The following MAML1 variants were observed in gnomAD, a reference collection of about 807,000 sequenced individuals.
The protein encoded by MAML1 is mastermind like transcriptional coactivator 1.
MAML1 carries 14 observed loss-of-function variants against 77.1 expected under a neutral mutation model. That is an observed-to-expected ratio of 0.18 (90% confidence interval 0.12 to 0.28). The LOEUF is 0.28. Ranked by LOEUF, MAML1 falls within the 10% of genes least tolerant of loss-of-function variation. MAML1 has a pLI of 1.00. For missense variants in MAML1, 1,217 were observed against 1,327.8 expected, an observed-to-expected ratio of 0.92 and a Z score of 1.30; for synonymous variants, 516 against 551.9, an observed-to-expected ratio of 0.93 and a Z score of 0.91.
At position 179,765,362 on chromosome 5, in the gene MAML1, G is replaced by A. The variant is rs374498133; in HGVS notation, c.352G>A (p.Ala118Thr). ...HDTVKRNLDS[A>T]TSPQNGDQQN... ...TACAGTTAAGAGGAATCTTGACAGC[G>A]CCACTTCCCCTCAGAATGGCGATCA... The change falls in exon 2 of 5, where the codon GCC (alanine) becomes ACC (threonine). Residue 118 changes from alanine to threonine, a missense_variant. By Grantham distance (58) the Ala-to-Thr change is moderately conservative. Transcript: ENST00000292599. 2.4e-5 allele frequency: 39 copies of A among 1,609,230 alleles called. 1 individual carries two copies. Among genetic ancestry groups the A allele is most frequent in the Admixed American group, 1.7e-4 (10 of 58,578 alleles).
intron 1 of MAML1, among the ~76,000 whole-genome samples, chr5:179,735,539 C>T (rs1200863546): frequency 6.6e-6 from 1 of 151,504 alleles, no homozygotes; most frequent in Non-Finnish European, 1.5e-5. Context: ...AGGTGCTGGC[C>T]ACCATGCCCA....
rs1462442078 is a variant in MAML1 at position 179,735,315 on chromosome 5, C to A, written c.315+1888C>A. On this transcript the variant is annotated intron_variant, in intron 1 of 4. Coordinates refer to ENST00000292599, the MANE Select transcript of MAML1 (RefSeq NM_014757.5). ...TTCTGCCTTAAAGCTAGTTCCTGACCAGCCTAACCCACAGCAGTAAGAATC... is the reference window on the plus strand; with the variant it reads ...TTCTGCCTTAAAGCTAGTTCCTGACAAGCCTAACCCACAGCAGTAAGAATC... Among the ~76,000 whole-genome samples, 3 of 152,318 alleles carry A rather than the reference C, an allele frequency of 2.0e-5. No homozygotes were observed. The South Asian group carries it at 6.2e-4, about 32-fold the overall frequency.
chr5:179,747,482 A>T (rs574622076), intron 1 of MAML1, among the ~76,000 whole-genome samples: 20 of 152,318 alleles, frequency 1.3e-4, no homozygotes, highest in Admixed American at 2.6e-4. Flanking sequence ...AAAATGTGGC[A>T]TATCCATACA....
chr5:179,735,609 T>G (rs1052990395), intron 1 of MAML1, among the ~76,000 whole-genome samples: 3 of 152,166 alleles, frequency 2.0e-5, no homozygotes, highest in Non-Finnish European at 4.4e-5. Context: ...CAGGCTGGTC[T>G]CGAACTCCTG....
intron 1 of MAML1, among the ~76,000 whole-genome samples, chr5:179,742,527 A>G (rs1189217581): frequency 1.3e-5 from 2 of 150,588 alleles, no homozygotes; most frequent in South Asian, 2.1e-4. Context: ...TTTTTGCCAC[A>G]TTCAGTGTCT....
At position 179,775,377 on chromosome 5, in the gene MAML1, G is replaced by T. The variant is rs182654054; in HGVS notation, c.*500G>T. On this transcript the variant is annotated 3_prime_UTR_variant, in exon 5 of 5. Coordinates refer to ENST00000292599, the MANE Select transcript of MAML1 (RefSeq NM_014757.5). ...TTTTAAACAGATTAGGGTAGGTGAT[G>T]GTTTAAATCAATTAAGTGGCATTGG... 21 of 985,190 alleles carry T rather than the reference G, an allele frequency of 2.1e-5. No homozygotes were observed. The Admixed American group carries it at 7.4e-4, about 35-fold the overall frequency. The allele number at this position is 985,190 out of a possible 1,614,324, so 61.0% of individuals were successfully genotyped here.
At chr5:179,768,698 CTG>C in intron 2 of MAML1, 150 bp from the exon 3 acceptor site, 3 of 969,922 alleles carry the variant, frequency 3.1e-6, no homozygotes, top group Non-Finnish European at 4.6e-6. Flanking sequence ...CACTTTTGGT[CTG>C]TGCTCCAGCC....
At chr5:179,738,473 A>T (rs1024920354) in intron 1 of MAML1, among the ~76,000 whole-genome samples, 1 of 152,084 alleles carries the variant, frequency 6.6e-6, no homozygotes, top group Non-Finnish European at 1.5e-5. Context: ...TGGCTTTAGG[A>T]TCTCATTTCT....
At chr5:179,744,902 A>AT (rs955746486) in intron 1 of MAML1, among the ~76,000 whole-genome samples, 253 of 145,810 alleles carry the variant, frequency 1.7e-3, no homozygotes, top group African/African-American at 1.8e-3. Context: ...TGCATTATAA[A>AT]TTTTTTTTTT....
intron 1 of MAML1, among the ~76,000 whole-genome samples, chr5:179,748,980 G>A (rs1005563905): frequency 6.9e-6 from 1 of 145,708 alleles, no homozygotes; most frequent in African/African-American, 2.6e-5. Flanking sequence ...TTGTTTGTTT[G>A]TTTGAGATGG....
Position 179,735,097 on chromosome 5 carries a change from C to T in MAML1, c.315+1670C>T, listed in dbSNP as rs901681681. 5.3e-5 allele frequency among the ~76,000 whole-genome samples: 8 copies of T among 152,272 alleles called. No homozygotes were observed. The South Asian group carries it at 8.3e-4, about 16-fold the overall frequency. On this transcript the variant is annotated intron_variant, in intron 1 of 4. Coordinates refer to ENST00000292599, the MANE Select transcript of MAML1 (RefSeq NM_014757.5). ...CTAGATGACGAGTTAGTGGGTGCAG[C>T]GCACCAGCATGGCACATGTATACGT...
intron 1 of MAML1, among the ~76,000 whole-genome samples, chr5:179,756,070 C>A (rs114323670): frequency 0.013 from 1,914 of 150,998 alleles, 34 homozygotes; most frequent in African/African-American, 0.044. Flanking sequence ...GGCAGTTTTT[C>A]TTCTTTCAGT....
chr5:179,771,056 G>A lies in MAML1; in HGVS notation c.1972-91G>A. On this transcript the variant is annotated intron_variant, in intron 3 of 4. Coordinates refer to ENST00000292599, the MANE Select transcript of MAML1 (RefSeq NM_014757.5). This position sits in a 1 kb window ranked among gnomAD's most constrained non-coding sequence, Gnocchi z 4.7. ...AGCCCATTTGTGAGTAACAAACTTG[G>A]ATAAGTTACTTTTCTCTGACCTCCC... is the stretch of plus-strand genomic sequence containing the variant. The A allele has an allele frequency of 1.1e-6, 1 of 919,624 alleles. No individual in the cohort carries two copies. Among genetic ancestry groups the A allele is most frequent in the Non-Finnish European group, 1.8e-6 (1 of 558,514 alleles). The allele number at this position is 919,624 out of a possible 1,614,324, so 57.0% of individuals were successfully genotyped here. A position where few individuals can be genotyped will look rare whatever the true frequency, so the allele number is the denominator to read the frequency against.
In MAML1 at chr5:179,769,961, ACT is replaced by A. The variant is rs745654690; in HGVS notation, c.1971+874_1971+875del. ...AGAAAAGCAGCTTTATTGTGATGTA[ACT>A]CACACAGCATACACTTCACCCACGT... is the stretch of plus-strand genomic sequence containing the variant. On this transcript the variant is annotated intron_variant, in intron 3 of 4. Coordinates refer to ENST00000292599, the MANE Select transcript of MAML1 (RefSeq NM_014757.5). This position sits in a 1 kb window ranked among gnomAD's most constrained non-coding sequence, Gnocchi z 4.2. Among the ~76,000 whole-genome samples the A allele has an allele frequency of 6.6e-6, 1 of 152,134 alleles. No individual in the cohort carries two copies. The highest frequency in any genetic ancestry group is 1.5e-5 in the Non-Finnish European group (1 of 68,030).
In MAML1 at chr5:179,771,059, A is replaced by C. The variant is rs753104507; in HGVS notation, c.1972-88A>C. On this transcript the variant is annotated intron_variant, in intron 3 of 4. Transcript: ENST00000292599. The surrounding 1 kb of genome is among the most constrained non-coding windows in gnomAD (Gnocchi z 4.7). The stretch of plus-strand genomic sequence containing the variant: ...CCATTTGTGAGTAACAAACTTGGAT[A>C]AGTTACTTTTCTCTGACCTCCCTCA... The C allele has an allele frequency of 2.4e-4, 224 of 932,168 alleles. No homozygotes were observed. The highest frequency in any genetic ancestry group is 3.8e-4 in the Non-Finnish European group (214 of 568,126). The allele number at this position is 932,168 out of a possible 1,614,324, so 57.7% of individuals were successfully genotyped here.
In MAML1 at chr5:179,774,967, C is replaced by T; in HGVS notation, c.*90C>T. On this transcript the variant is annotated 3_prime_UTR_variant, in exon 5 of 5. Transcript: ENST00000292599. ...AGAGCAACTACTTTGGACCAAAAGC[C>T]CATGGCCTGGGGAGCTGGGCAGGTA... 1 of 1,506,082 alleles carries T rather than the reference C, an allele frequency of 6.6e-7. No homozygotes were observed. The highest frequency in any genetic ancestry group is 1.3e-5 in the South Asian group (1 of 74,632). 93.3% of individuals were successfully genotyped at this position (1,506,082 alleles called of 1,614,324 possible).
intron 1 of MAML1, among the ~76,000 whole-genome samples, chr5:179,747,247 GTATTTGGCAGTC>G (rs1779399682): frequency 6.6e-6 from 1 of 152,234 alleles, no homozygotes; most frequent in Non-Finnish European, 1.5e-5. Flanking sequence ...TGTACCTGCT[GTATTTGGCAGTC>G]ATCAAGCATC....
chr5:179,771,004 A>C lies in MAML1; in HGVS notation c.1972-143A>C. On this transcript the variant is annotated intron_variant, in intron 3 of 4. Coordinates refer to ENST00000292599, the MANE Select transcript of MAML1 (RefSeq NM_014757.5). The surrounding 1 kb of genome is among the most constrained non-coding windows in gnomAD (Gnocchi z 4.7). ...TGTTTCATACTATTTAAAAACCCCA[A>C]AATGAAATCAGCACTATTTCCACAG... is the stretch of plus-strand genomic sequence containing the variant. 1 of 636,304 alleles carries C rather than the reference A, an allele frequency of 1.6e-6. No individual in the cohort carries two copies. Among genetic ancestry groups the C allele is most frequent in the Non-Finnish European group, 2.9e-6 (1 of 348,250 alleles). The allele number at this position is 636,304 out of a possible 1,614,324, so 39.4% of individuals were successfully genotyped here.
chr5:179,735,167 A>C (rs1779143118), intron 1 of MAML1, among the ~76,000 whole-genome samples: 1 of 151,908 alleles, frequency 6.6e-6, no homozygotes, highest in African/African-American at 2.4e-5. Flanking sequence ...TAAAACTTAA[A>C]GTATGATAAT....
Sources: allele counts gnomAD v4.1 joint callset (sites outside exome capture counted in the v4.1 genomes callset), GRCh38; gene constraint gnomAD v4.1.1; non-coding constraint Gnocchi (gnomAD v3.1); transcripts MANE v1.5; gene names NCBI Gene and HGNC (gene_info 2026-07-23, HGNC 2026-07-21).